Variants in LMAN1 observed in about 807,000 individuals in gnomAD.
The protein encoded by LMAN1 is lectin, mannose binding 1.
In LMAN1, 32 loss-of-function variants were observed where a neutral mutation model predicts 67.8. The observed-to-expected ratio is 0.47, with a 90% CI of 0.36 to 0.63. The LOEUF (loss-of-function observed/expected upper bound fraction) is 0.63. LMAN1 is among the 30% of genes least tolerant of loss of function. The pLI is 0.00. For missense variants in LMAN1, 632 were observed against 628.2 expected (o/e 1.01, Z -0.06); for synonymous variants, 235 against 219.3 (o/e 1.07, Z -0.63).
intron 10 of LMAN1, among the ~76,000 whole-genome samples, chr18:59,338,073 GTCTC>G (rs760790211): frequency 4.5e-4 from 69 of 152,124 alleles, no homozygotes; most frequent in Non-Finnish European, 8.1e-4. Context: ...ACTCTGTCCA[GTCTC>G]TCTGAGAGTA....
chr18:59,335,116 C>A (rs977586268), intron 10 of LMAN1, among the ~76,000 whole-genome samples: 1 of 151,992 alleles, frequency 6.6e-6, no homozygotes, highest in South Asian at 2.1e-4. Flanking sequence ...ATATGCTACC[C>A]GTCACATAAG....
intron 8 of LMAN1, among the ~76,000 whole-genome samples, chr18:59,341,567 A>C (rs1430575498): frequency 6.6e-6 from 1 of 152,192 alleles, no homozygotes; most frequent in African/African-American, 2.4e-5. Context: ...CTAAACAAAC[A>C]CATGGAAATT....
rs757432154 is a variant in LMAN1, at chr18:59,347,474, C to T, written c.822+39G>A. On this transcript the variant is annotated intron_variant, in intron 7 of 12. Transcript: ENST00000251047. ...CCAAAACGTTCAGCTAAAAGGCAAA[C>T]TAAACTGATAAAGTTTTTGAAAATA... 2.1e-6 allele frequency: 3 copies of T among 1,443,088 alleles called. No individual in the cohort carries two copies. The South Asian group carries it at 3.6e-5, about 17-fold the overall frequency. 89.4% of individuals were successfully genotyped at this position (1,443,088 alleles called of 1,614,324 possible). A position where few individuals can be genotyped will look rare whatever the true frequency, so the allele number is the denominator to read the frequency against.
At chr18:59,333,009 AG>A (rs1462080208) in intron 11 of LMAN1, 81 bp downstream of exon 11, 2 of 1,146,186 alleles carry the variant, frequency 1.7e-6, no homozygotes, top group Non-Finnish European at 1.3e-6. Flanking sequence ...CATTAACTAA[AG>A]GGTTAAAATA....
In LMAN1 at chr18:59,359,052, G is replaced by A; in HGVS notation, c.193C>T (p.Pro65Ser). The A allele has an allele frequency of 6.2e-7, 1 of 1,614,002 alleles. No homozygotes were observed. Among genetic ancestry groups the A allele is most frequent in the Non-Finnish European group, 8.5e-7 (1 of 1,179,964 alleles). Reference protein sequence around the residue: ...PHLVQSDGTVPFWAHAGNAIP... With the variant: ...PHLVQSDGTVSFWAHAGNAIP... ...TTACTCCCCGCGTGGGCCCAGAAGG[G>A]CACGGTCCCGTCGCTCTGCACCAGG... Residue 65 changes from proline to serine, a missense_variant, in exon 1 of 13, where the codon CCC (proline) becomes TCC (serine). Coordinates refer to ENST00000251047, the MANE Select transcript of LMAN1 (RefSeq NM_005570.4).
intron 1 of LMAN1, among the ~76,000 whole-genome samples, chr18:59,357,581 A>G (rs1483258010): frequency 6.6e-6 from 1 of 152,224 alleles, no homozygotes; most frequent in Non-Finnish European, 1.5e-5. Context: ...CCCTTGCTGC[A>G]TGGGCACATA....
rs750297212 is a variant in LMAN1, at chr18:59,355,336, C to A, written c.454G>T (p.Asp152Tyr). Reference sequence around the variant, plus strand: ...ACCTTTCCATCATTGTCAAAAGAATCAAAAAATATTCCAACACCATTCCAC... The same window carrying A: ...ACCTTTCCATCATTGTCAAAAGAATAAAAAAATATTCCAACACCATTCCAC... Reference protein sequence around the residue: ...DLWNGVGIFFDSFDNDGKKNN... With the variant: ...DLWNGVGIFFYSFDNDGKKNN... Residue 152 changes from aspartate (D) to tyrosine (Y), a missense_variant, in exon 3 of 13, where the codon GAT becomes TAT. Coordinates refer to ENST00000251047, the MANE Select transcript of LMAN1 (RefSeq NM_005570.4). The A allele has an allele frequency of 1.9e-6, 3 of 1,613,362 alleles. No homozygotes were observed. Among genetic ancestry groups the A allele is most frequent in the South Asian group, 1.1e-5 (1 of 90,986 alleles).
rs41344550 is a variant in LMAN1, at chr18:59,345,013, C to T, written c.955+906G>A. Among the ~76,000 whole-genome samples, 1,477 of 152,256 alleles carry T rather than the reference C, an allele frequency of 9.7e-3. 31 individuals are homozygous for T. Among genetic ancestry groups the T allele is most frequent in the African/African-American group, 0.034 (1,407 of 41,552 alleles). On this transcript the variant is annotated intron_variant, in intron 8 of 12. Coordinates refer to ENST00000251047, the MANE Select transcript of LMAN1 (RefSeq NM_005570.4). ...TCGGGGTGATGGTTAAATGGGTATA[C>T]ACATTTGTCAAAATTTACTAAACAA... is the stretch of plus-strand genomic sequence containing the variant.
intron 8 of LMAN1, 33 bp downstream of exon 8, chr18:59,345,886 T>G (rs1396448727): frequency 3.7e-6 from 6 of 1,613,202 alleles, no homozygotes; most frequent in Non-Finnish European, 4.2e-6. Flanking sequence ...CAAGCCCTGC[T>G]GCGGCACCCA....
intron 11 of LMAN1, 145 bp from the exon 12 acceptor site, chr18:59,331,684 C>G (rs2070748659): frequency 1.2e-6 from 1 of 841,464 alleles, no homozygotes; most frequent in Non-Finnish European, 1.9e-6. Flanking sequence ...ATCCCCTTAA[C>G]TTTTACTGAC....
At chr18:59,343,032 A>C (rs1908321827) in intron 8 of LMAN1, among the ~76,000 whole-genome samples, 1 of 149,490 alleles carries the variant, frequency 6.7e-6, no homozygotes, top group African/African-American at 2.5e-5. Flanking sequence ...CAAATCTAGA[A>C]GGCAATTCCA....
At chr18:59,341,768 TG>T (rs1328809726) in intron 8 of LMAN1, among the ~76,000 whole-genome samples, 9 of 151,878 alleles carry the variant, frequency 5.9e-5, no homozygotes, top group African/African-American at 2.2e-4. Flanking sequence ...ATTATTCCTC[TG>T]CAAACTAGAA....
rs1030212580 is a variant in LMAN1 at position 59,349,296 on chromosome 18, C to T, written c.640-60G>A. 24 of 1,479,662 alleles carry T rather than the reference C, an allele frequency of 1.6e-5. No individual in the cohort carries two copies. The African/African-American group carries it at 2.4e-4, about 15-fold the overall frequency. The allele number at this position is 1,479,662 out of a possible 1,614,324, so 91.7% of individuals were successfully genotyped here. On this transcript the variant is annotated intron_variant, in intron 5 of 12. Coordinates refer to ENST00000251047, the MANE Select transcript of LMAN1 (RefSeq NM_005570.4). The stretch of plus-strand genomic sequence containing the variant: ...AAGACATTAGAAAATAAATTTCAAT[C>T]GATCCATTTTATGACTACTATTCAG...
chr18:59,333,335 A>AAT (rs2070760635), intron 10 of LMAN1, 91 bp from the exon 11 acceptor site: 1 of 929,814 alleles, frequency 1.1e-6, no homozygotes. Context: ...TTTCAAGTCT[A>AAT]ATATATTACA....
At chr18:59,350,352 C>T (rs1044889066) in intron 5 of LMAN1, among the ~76,000 whole-genome samples, 1 of 152,124 alleles carries the variant, frequency 6.6e-6, no homozygotes, top group Admixed American at 6.6e-5. Flanking sequence ...AAGTTATTTG[C>T]CTTTGAGTCT....
chr18:59,331,982 T>G (rs1328552659), intron 11 of LMAN1, among the ~76,000 whole-genome samples: 1 of 152,196 alleles, frequency 6.6e-6, no homozygotes, highest in Non-Finnish European at 1.5e-5. Context: ...ACAGACTGGC[T>G]TTTTCTCAGT....
At chr18:59,349,877 T>C (rs754973869) in intron 5 of LMAN1, among the ~76,000 whole-genome samples, 3 of 152,242 alleles carry the variant, frequency 2.0e-5, no homozygotes, top group African/African-American at 7.2e-5. Context: ...GACACATGAA[T>C]GCTTTTCTCA....
At chr18:59,358,585 T>G (rs1451760861) in intron 1 of LMAN1, among the ~76,000 whole-genome samples, 316 of 105,012 alleles carry the variant, frequency 3.0e-3, no homozygotes, top group Admixed American at 3.9e-3. Context: ...GGATCGGGGG[T>G]GGGGGGTGGA....
chr18:59,347,304 G>C lies in LMAN1; in HGVS notation c.822+209C>G, dbSNP rs182117250. ...CCACTGCACTCCAGCCTGGGAGACA[G>C]AGCGAGACTCCGTCTCAAAAAAAAA... is the stretch of plus-strand genomic sequence containing the variant. On this transcript the variant is annotated intron_variant, in intron 7 of 12. Coordinates refer to ENST00000251047, the MANE Select transcript of LMAN1 (RefSeq NM_005570.4). Among the ~76,000 whole-genome samples the C allele has an allele frequency of 4.1e-3, 460 of 112,844 alleles. 10 individuals carry two copies. The East Asian group carries it at 0.052, about 13-fold the overall frequency. The allele number at this position is 112,844 out of a possible 152,430, so 74.0% of individuals were successfully genotyped here. A position where few individuals can be genotyped will look rare whatever the true frequency, so the allele number is the denominator to read the frequency against.
Sources: allele counts gnomAD v4.1 joint callset (sites outside exome capture counted in the v4.1 genomes callset), GRCh38; gene constraint gnomAD v4.1.1; transcripts MANE v1.5; gene names NCBI Gene and HGNC (gene_info 2026-07-23, HGNC 2026-07-21).